Variants in CREBBP observed in about 807,000 individuals in gnomAD.
The protein encoded by CREBBP is CREB binding lysine acetyltransferase.
Under a neutral mutation model 265.0 loss-of-function variants are expected in CREBBP, and 19 were observed. That is an observed-to-expected ratio of 0.07 (90% CI 0.05 to 0.11). CREBBP has a LOEUF of 0.11. Ranked by LOEUF, CREBBP falls within the 10% of genes least tolerant of loss-of-function variation. The pLI, the probability that CREBBP is intolerant of heterozygous loss-of-function variation, is 1.00. For missense variants in CREBBP, 2,525 were observed against 3,219.0 expected (o/e 0.78, Z 5.22); for synonymous variants, 1,457 against 1,223.7 (o/e 1.19, Z -3.98).
intron 1 of CREBBP, among the ~76,000 whole-genome samples, chr16:3,863,377 A>T (rs2283481): frequency 0.31 from 47,466 of 151,906 alleles, 8,018 homozygotes; most frequent in South Asian, 0.44. Flanking sequence ...CCCAGGCAGG[A>T]AGATCACCTG....
chr16:3,756,175 C>T (rs2052581663), intron 19 of CREBBP, among the ~76,000 whole-genome samples: 1 of 152,114 alleles, frequency 6.6e-6, no homozygotes, highest in Non-Finnish European at 1.5e-5. Flanking sequence ...ATAAAAAACG[C>T]CAAACCCCAC....
chr16:3,788,353 C>T (rs1310926388), intron 5 of CREBBP, among the ~76,000 whole-genome samples: 1 of 152,110 alleles, frequency 6.6e-6, no homozygotes, highest in East Asian at 1.9e-4. Context: ...AAATGGGGGC[C>T]CAATTTCTTT....
At chr16:3,838,320 T>C (rs181340032) in intron 2 of CREBBP, among the ~76,000 whole-genome samples, 105 of 152,304 alleles carry the variant, frequency 6.9e-4, no homozygotes, top group African/African-American at 1.7e-3. Context: ...AGCCTAGGTG[T>C]GTAACAGGCT....
chr16:3,749,593 A>T lies in CREBBP; in HGVS notation c.3836+34T>A, dbSNP rs758715517. The T allele has an allele frequency of 3.9e-6, 6 of 1,519,320 alleles. No homozygotes were observed. In the African/African-American group the frequency reaches 6.8e-5, roughly 17 times the overall value. 94.1% of individuals were successfully genotyped at this position (1,519,320 alleles called of 1,614,324 possible). A position where few individuals can be genotyped will look rare whatever the true frequency, so the allele number is the denominator to read the frequency against. On this transcript the variant is annotated intron_variant, in intron 21 of 30. Coordinates refer to ENST00000262367, the MANE Select transcript of CREBBP (RefSeq NM_004380.3). ...GTAACTTTACCGATTTCAAACCAAAACTGAAAGTAAAAAAGAAATAGCTAT... is the reference window on the plus strand; with the variant it reads ...GTAACTTTACCGATTTCAAACCAAATCTGAAAGTAAAAAAGAAATAGCTAT...
At chr16:3,854,509 C>G (rs1001573902) in intron 1 of CREBBP, among the ~76,000 whole-genome samples, 1 of 152,194 alleles carries the variant, frequency 6.6e-6, no homozygotes, top group Admixed American at 6.5e-5. Context: ...TCACTTAAGC[C>G]ATTTTAGCTG....
At chr16:3,736,836 C>T (rs369347758) in intron 26 of CREBBP, 21 bp from the exon 27 acceptor site, 18 of 1,613,844 alleles carry the variant, frequency 1.1e-5, no homozygotes, top group African/African-American at 8.0e-5. Context: ...CACGCACACA[C>T]GTCAGATGAA....
At chr16:3,767,543 G>A in intron 16 of CREBBP, 177 bp downstream of exon 16, 7 of 805,468 alleles carry the variant, frequency 8.7e-6, no homozygotes, top group Non-Finnish European at 1.4e-5. Flanking sequence ...CAGGCACAGG[G>A]CAGGGGTCCT....
intron 1 of CREBBP, among the ~76,000 whole-genome samples, chr16:3,871,859 A>G (rs1479892683): frequency 6.6e-6 from 1 of 152,236 alleles, no homozygotes; most frequent in African/African-American, 2.4e-5. Context: ...AAATATACCT[A>G]CTGTATACAA....
At chr16:3,849,437 GTGT>G (rs2054759001) in intron 2 of CREBBP, among the ~76,000 whole-genome samples, 180 of 16,480 alleles carry the variant, frequency 0.011, 8 homozygotes, top group East Asian at 0.036. Flanking sequence ...GTGTGTGTGT[GTGT>G]GTGTGTGTGT....
At chr16:3,776,354 G>A (rs943468269) in intron 11 of CREBBP, among the ~76,000 whole-genome samples, 8 of 152,096 alleles carry the variant, frequency 5.3e-5, no homozygotes, top group Non-Finnish European at 1.2e-4. Flanking sequence ...AAGAGCTACA[G>A]GGTTTTCAAA....
Position 3,746,507 on chromosome 16 carries a change from CTT to C in CREBBP, c.3837-1155_3837-1154del, listed in dbSNP as rs1199675132. On this transcript the variant is annotated intron_variant, in intron 21 of 30. Coordinates refer to ENST00000262367, the MANE Select transcript of CREBBP (RefSeq NM_004380.3). ...AGTGCTTATCCTCCACAAGCTCTGT[CTT>C]TGACAACTCAGCCACTGAGCTCATC... Among the ~76,000 whole-genome samples the C allele has an allele frequency of 2.6e-5, 4 of 152,294 alleles. No homozygotes were observed. The South Asian group carries it at 8.3e-4, about 32-fold the overall frequency.
intron 5 of CREBBP, 95 bp downstream of exon 5, chr16:3,791,886 A>G: frequency 9.1e-7 from 1 of 1,096,966 alleles, no homozygotes; most frequent in Middle Eastern, 2.0e-4. Flanking sequence ...TCCATGGCTC[A>G]TAACCCCTGC....
chr16:3,880,506 C>T lies in CREBBP; in HGVS notation c.-590G>A, dbSNP rs963352404. 5.5e-5 allele frequency: 8 copies of T among 145,426 alleles called. No individual in the cohort carries two copies. The highest frequency in any genetic ancestry group is 1.2e-4 in the Non-Finnish European group (8 of 65,648). 9.0% of individuals were successfully genotyped at this position (145,426 alleles called of 1,614,324 possible). Reference sequence around the variant, plus strand: ...GTTCCGCCGCCGCCGCCGCCGCTGCCGCCGCCGCCGCCGCCGGGCTCCGGG... The same window carrying T: ...GTTCCGCCGCCGCCGCCGCCGCTGCTGCCGCCGCCGCCGCCGGGCTCCGGG... On this transcript the variant is annotated 5_prime_UTR_variant, in exon 1 of 31. Coordinates refer to ENST00000262367, the MANE Select transcript of CREBBP (RefSeq NM_004380.3).
intron 23 of CREBBP, chr16:3,742,626 T>G (rs2052244797): frequency 6.6e-6 from 1 of 152,188 alleles, no homozygotes; most frequent in African/African-American, 2.4e-5. Flanking sequence ...TCTGCAGTTT[T>G]GTTTACTTTT....
At chr16:3,821,996 A>T (rs1332933857) in intron 2 of CREBBP, among the ~76,000 whole-genome samples, 4 of 152,206 alleles carry the variant, frequency 2.6e-5, no homozygotes, top group African/African-American at 9.7e-5. Context: ...AGGAGGTTGC[A>T]GTGAGCCAAG....
At chr16:3,841,963 G>T (rs548024025) in intron 2 of CREBBP, among the ~76,000 whole-genome samples, 23 of 152,306 alleles carry the variant, frequency 1.5e-4, no homozygotes, top group African/African-American at 5.5e-4. Context: ...CTGCTTTATA[G>T]TATCTGACCA....
intron 1 of CREBBP, among the ~76,000 whole-genome samples, chr16:3,878,898 T>C (rs1215673432): frequency 6.6e-6 from 1 of 152,210 alleles, no homozygotes; most frequent in Non-Finnish European, 1.5e-5. Flanking sequence ...GAAAACTAAA[T>C]ACTTCTCTTA....
intron 3 of CREBBP, among the ~76,000 whole-genome samples, chr16:3,805,667 G>T (rs549566825): frequency 6.6e-6 from 1 of 152,294 alleles, no homozygotes; most frequent in East Asian, 1.9e-4. Context: ...GACAAACAAG[G>T]TTGGGGAGTG....
intron 1 of CREBBP, among the ~76,000 whole-genome samples, chr16:3,861,703 C>T (rs1479185972): frequency 2.0e-5 from 3 of 148,332 alleles, no homozygotes; most frequent in Admixed American, 2.0e-4. Context: ...AATATTTATG[C>T]CATCGTAAGT....
Sources: allele counts gnomAD v4.1 joint callset (sites outside exome capture counted in the v4.1 genomes callset), GRCh38; gene constraint gnomAD v4.1.1; transcripts MANE v1.5; gene names NCBI Gene and HGNC (gene_info 2026-07-23, HGNC 2026-07-21).